The following DMBT1 variants were observed in gnomAD, a reference collection of about 807,000 sequenced individuals.
The protein encoded by DMBT1 is deleted in malignant brain tumors 1, also known as scavenger receptor cysteine-rich domain-containing protein DMBT1.
Under a neutral mutation model 252.9 loss-of-function variants are expected in DMBT1, and 198 were observed. The ratio of observed to expected loss-of-function variants is 0.78; its 90% confidence interval spans 0.70 to 0.88. DMBT1 has a LOEUF of 0.88. Ranked by LOEUF, DMBT1 falls within the 40% of genes least tolerant of loss-of-function variation. DMBT1 has a pLI of 0.00. For synonymous variants in DMBT1, 990 were observed against 942.7 expected, an observed-to-expected ratio of 1.05 and a Z score of -0.92; for missense variants, 2,432 against 2,404.7, an observed-to-expected ratio of 1.01 and a Z score of -0.24.
chr10:122,587,789 CT>C (rs1482872479), intron 16 of DMBT1, among the ~76,000 whole-genome samples: 1 of 148,656 alleles, frequency 6.7e-6, no homozygotes, highest in Non-Finnish European at 1.5e-5. Context: ...CTCCCTGATC[CT>C]TCTAACATTT....
At chr10:122,587,052 A>G (rs1390078875) in intron 16 of DMBT1, among the ~76,000 whole-genome samples, 1 of 148,324 alleles carries the variant, frequency 6.7e-6, no homozygotes, top group Non-Finnish European at 1.5e-5. Flanking sequence ...GGCCTTCATG[A>G]CCCAGACATG....
rs536079236 is a variant in DMBT1, at chr10:122,562,775, G to A, written c.61+1944G>A. Among the ~76,000 whole-genome samples, 240 of 152,326 alleles carry A rather than the reference G, an allele frequency of 1.6e-3. 1 individual carries two copies. The highest frequency in any genetic ancestry group is 2.3e-3 in the Non-Finnish European group (158 of 68,024). On this transcript the variant is annotated intron_variant, in intron 1 of 55. Transcript: ENST00000338354. The stretch of plus-strand genomic sequence containing the variant: ...TGCATGCCTGTGTTTGCCATTCAGA[G>A]GTGGGAATTCATGCTCTCTGAAGTG...
chr10:122,628,649 A>AAC (rs1244256872), intron 46 of DMBT1, among the ~76,000 whole-genome samples: 3 of 152,208 alleles, frequency 2.0e-5, no homozygotes. Flanking sequence ...AACAAAACAA[A>AAC]AGAAAAAAAA....
Position 122,598,985 on chromosome 10 carries a change from C to G in DMBT1, c.3168C>G (p.Val1056=). The change falls in exon 26 of 56, where the codon GTC becomes GTG. Residue 1056 remains valine (V), a synonymous_variant. Transcript: ENST00000338354. ...ARFGQGSGPI[V]LDDVRCSGHE... ...TTGGTCAGGGCTCAGGACCCATTGTCCTGGATGATGTGCGCTGCTCAGGAC... is the reference window on the plus strand; with the variant it reads ...TTGGTCAGGGCTCAGGACCCATTGTGCTGGATGATGTGCGCTGCTCAGGAC... 6.2e-7 allele frequency: 1 copy of G among 1,613,770 alleles called. No individual in the cohort carries two copies. Among genetic ancestry groups the G allele is most frequent in the Non-Finnish European group, 8.5e-7 (1 of 1,179,728 alleles).
rs745860277 is a variant in DMBT1 at position 122,621,351 on chromosome 10, A to C, written c.5579A>C (p.His1860Pro). ...GGCTGGCTCACCCACAACTGTGGCCATCACGAAGACGCTGGTGTCATCTGC... is the reference window on the plus strand; with the variant it reads ...GGCTGGCTCACCCACAACTGTGGCCCTCACGAAGACGCTGGTGTCATCTGC... ...HKGWLTHNCG[H>P]HEDAGVICSA... The change falls in exon 44 of 56, where the codon CAT becomes CCT. Residue 1860 changes from histidine (H) to proline (P), a missense_variant. By Grantham distance (77) the His-to-Pro change is moderately conservative. Around this residue, in one of 3 missense-constraint regions of DMBT1, gnomAD observed 1,162 missense variants for 1,169.0 expected, o/e 0.99. Coordinates refer to ENST00000338354, the MANE Select transcript of DMBT1 (RefSeq NM_001377530.1). 2.5e-6 allele frequency: 4 copies of C among 1,613,758 alleles called. No homozygotes were observed. The highest frequency in any genetic ancestry group is 4.5e-5 in the East Asian group (2 of 44,904).
At chr10:122,585,694 G>C (rs552365925) in intron 15 of DMBT1, among the ~76,000 whole-genome samples, 1 of 148,702 alleles carries the variant, frequency 6.7e-6, no homozygotes, top group Non-Finnish European at 1.5e-5. Flanking sequence ...TGTCATACCT[G>C]TGAAATTTTC....
chr10:122,638,973 C>T (rs1297985992), intron 54 of DMBT1, among the ~76,000 whole-genome samples: 2 of 152,224 alleles, frequency 1.3e-5, no homozygotes, highest in Non-Finnish European at 2.9e-5. Flanking sequence ...GCAACGGAGG[C>T]TTGCAGAAGG....
chr10:122,635,979 C>T lies in DMBT1; in HGVS notation c.6549-12C>T, dbSNP rs1591596109. 6.2e-7 allele frequency: 1 copy of T among 1,613,668 alleles called. No homozygotes were observed. The highest frequency in any genetic ancestry group is 1.1e-5 in the South Asian group (1 of 91,068). ...AGGAAATGAAGCCAAATGGTGTGTC[C>T]TCTCTCTGCAGGCTTGAAGGTGGCT... On this transcript the variant is annotated splice_polypyrimidine_tract_variant and intron_variant, in intron 52 of 55. Coordinates refer to ENST00000338354, the MANE Select transcript of DMBT1 (RefSeq NM_001377530.1).
Position 122,640,398 on chromosome 10 carries a change from C to T in DMBT1, c.7301C>T (p.Ser2434Leu), listed in dbSNP as rs2133701148. The T allele has an allele frequency of 1.2e-6, 2 of 1,613,998 alleles. No homozygotes were observed. Among genetic ancestry groups the T allele is most frequent in the Middle Eastern group, 1.6e-4 (1 of 6,062 alleles). ...LTLFVDTCVA[S>L]PYSNDFTSLT... ...TTGTTTGTGGACACCTGCGTGGCAT[C>T]ACCATACTCCAATGACTTCACGTCT... The change falls in exon 55 of 56, where the codon TCA becomes TTA. Residue 2434 changes from serine (S) to leucine (L), a missense_variant. Ser to Leu is a moderately radical substitution (Grantham distance 145). Transcript: ENST00000338354.
chr10:122,601,090 T>C (rs2097951247), intron 28 of DMBT1, 67 bp downstream of exon 28: 2 of 619,556 alleles, frequency 3.2e-6, no homozygotes, highest in Non-Finnish European at 5.4e-6. Flanking sequence ...TTGAAACTGA[T>C]AGGATGAGGC....
rs770996669 is a variant in DMBT1 at position 122,621,288 on chromosome 10, C to T, written c.5516C>T (p.Ser1839Leu). The change falls in exon 44 of 56, where the codon TCA becomes TTA. Residue 1839 changes from serine to leucine, a missense_variant. Ser to Leu is a moderately radical substitution (Grantham distance 145, BLOSUM62 -2). Coordinates refer to ENST00000338354, the MANE Select transcript of DMBT1 (RefSeq NM_001377530.1). ...GPIVLDDVRC[S>L]GNESYLWSCP... is the part of the protein sequence containing the mutation. ...ATTGTCCTGGATGATGTGCGCTGCT[C>T]AGGGAATGAGTCCTACCTGTGGAGC... is the stretch of plus-strand genomic sequence containing the variant. The T allele has an allele frequency of 2.1e-5, 34 of 1,613,834 alleles. 1 individual carries two copies. The South Asian group carries it at 2.6e-4, about 13-fold the overall frequency.
chr10:122,634,368 C>CTTTCTTTCTT lies in DMBT1; in HGVS notation c.6548+1029_6548+1038dup, dbSNP rs763247531. Among the ~76,000 whole-genome samples the CTTTCTTTCTT allele has an allele frequency of 2.8e-3, 355 of 126,626 alleles. 4 individuals are homozygous for CTTTCTTTCTT. Among genetic ancestry groups the CTTTCTTTCTT allele is most frequent in the Non-Finnish European group, 3.2e-3 (198 of 61,660 alleles). 83.1% of individuals were successfully genotyped at this position (126,626 alleles called of 152,430 possible). On this transcript the variant is annotated intron_variant, in intron 52 of 55. Transcript: ENST00000338354. ...TCTTTCTTTCTTTCTTTCTTTCTTTCTTTCTTTCTTTCTTTCTTTCTTTCT... is the reference window on the plus strand; with the variant it reads ...TCTTTCTTTCTTTCTTTCTTTCTTTCTTTCTTTCTTTTTCTTTCTTTCTTTCTTTCTTTCT...
chr10:122,628,279 A>C (rs960530567), intron 46 of DMBT1, among the ~76,000 whole-genome samples: 1 of 152,248 alleles, frequency 6.6e-6, no homozygotes, highest in Non-Finnish European at 1.5e-5. Context: ...AATGTCCATC[A>C]TGGTGAATCG....
chr10:122,574,269 C>A (rs1469012853), intron 6 of DMBT1, among the ~76,000 whole-genome samples: 1 of 152,228 alleles, frequency 6.6e-6, no homozygotes, highest in Non-Finnish European at 1.5e-5. Context: ...ATGTACTTCC[C>A]CCTTGGGTAT....
intron 46 of DMBT1, among the ~76,000 whole-genome samples, chr10:122,628,443 C>A (rs765572777): frequency 3.9e-5 from 6 of 152,082 alleles, no homozygotes; most frequent in Non-Finnish European, 7.4e-5. Flanking sequence ...CGAGACCAGC[C>A]TGGACAACGT....
intron 6 of DMBT1, among the ~76,000 whole-genome samples, chr10:122,575,349 A>C (rs1427505189): frequency 6.6e-6 from 1 of 152,216 alleles, no homozygotes; most frequent in Non-Finnish European, 1.5e-5. Context: ...TTCCTCCCCA[A>C]GCAGCCCTTT....
At chr10:122,639,020 C>T (rs1472205278) in intron 54 of DMBT1, among the ~76,000 whole-genome samples, 1 of 152,234 alleles carries the variant, frequency 6.6e-6, no homozygotes, top group East Asian at 1.9e-4. Context: ...CCATGAGCTG[C>T]GGGTCTAAGA....
intron 6 of DMBT1, among the ~76,000 whole-genome samples, chr10:122,575,580 A>G (rs915478301): frequency 6.6e-6 from 1 of 152,170 alleles, no homozygotes; most frequent in Admixed American, 6.5e-5. Flanking sequence ...AGCAGAGACT[A>G]CCACTACAAA....
intron 10 of DMBT1, among the ~76,000 whole-genome samples, 158 bp from the exon 11 acceptor site, chr10:122,580,708 G>A (rs1298014073): frequency 6.6e-6 from 1 of 152,070 alleles, no homozygotes; most frequent in South Asian, 2.1e-4. Context: ...CTTACACGGT[G>A]CATCTCTGTG....
Sources: gnomAD v4.1 joint callset for allele counts (sites outside exome capture counted in the v4.1 genomes callset) on GRCh38, gnomAD v4.1.1 for gene constraint, gnomAD v4.1.1 regional missense constraint, MANE v1.5 for transcripts, NCBI Gene and HGNC (gene_info 2026-07-23, HGNC 2026-07-21) for gene names.